The following COL25A1 variants were observed in gnomAD, a reference collection of about 807,000 sequenced individuals.
The protein encoded by COL25A1 is collagen alpha-1(XXV) chain.
COL25A1 carries 103 observed loss-of-function variants against 128.4 expected under a neutral mutation model. The ratio of observed to expected loss-of-function variants is 0.80; its 90% confidence interval spans 0.68 to 0.94. The LOEUF is 0.94. Among genes scored for constraint, COL25A1 ranks in the 40% least tolerant of loss-of-function variants. The pLI, the probability that COL25A1 is intolerant of heterozygous loss-of-function variation, is 0.00. For missense variants in COL25A1, 745 were observed against 840.0 expected, an observed-to-expected ratio of 0.89 and a Z score of 1.40; for synonymous variants, 279 against 277.2, an observed-to-expected ratio of 1.01 and a Z score of -0.06.
chr4:109,266,727 C>T (rs912311323), intron 3 of COL25A1, among the ~76,000 whole-genome samples: 1 of 151,222 alleles, frequency 6.6e-6, no homozygotes, highest in Non-Finnish European at 1.5e-5. Context: ...GACATGAAAA[C>T]GTGGATACAA....
At chr4:109,162,153 AAC>A (rs1772637502) in intron 3 of COL25A1, among the ~76,000 whole-genome samples, 1 of 152,214 alleles carries the variant, frequency 6.6e-6, no homozygotes, top group Non-Finnish European at 1.5e-5. Flanking sequence ...TTGAAGATAT[AAC>A]AGGGGAAATA....
At chr4:109,230,477 G>A (rs372537915) in intron 3 of COL25A1, among the ~76,000 whole-genome samples, 1 of 152,142 alleles carries the variant, frequency 6.6e-6, no homozygotes, top group East Asian at 1.9e-4. Flanking sequence ...AACAGTTGCT[G>A]TATTTTATTA....
rs376047300 is a variant in COL25A1 at position 108,901,505 on chromosome 4, ACT to A, written c.781-335_781-334del. On this transcript the variant is annotated intron_variant, in intron 13 of 37. Transcript: ENST00000399132. ...AGTAAAAGACAACTGAAAATATAAG[ACT>A]CTCCTGGCAAAAAACTTTTAAGTGA... Among the ~76,000 whole-genome samples, 327 of 152,172 alleles carry A rather than the reference ACT, an allele frequency of 2.1e-3. 2 individuals are homozygous for A. Among genetic ancestry groups the A allele is most frequent in the African/African-American group, 7.4e-3 (309 of 41,564 alleles).
chr4:109,038,458 C>T (rs181831163), intron 5 of COL25A1, among the ~76,000 whole-genome samples: 1 of 152,160 alleles, frequency 6.6e-6, no homozygotes, highest in Non-Finnish European at 1.5e-5. Context: ...AATCCCCATA[C>T]CTCTATAGAT....
rs3108929 is a variant in COL25A1, at chr4:109,102,522, A to C, written c.368-52343T>G. 6.6e-4 allele frequency among the ~76,000 whole-genome samples: 101 copies of C among 152,208 alleles called. 1 individual carries two copies. The highest frequency in any genetic ancestry group is 2.3e-3 in the African/African-American group (96 of 41,552). On this transcript the variant is annotated intron_variant, in intron 3 of 37. Coordinates refer to ENST00000399132, the MANE Select transcript of COL25A1 (RefSeq NM_198721.4). ...GTCAATTAAATCAAGTTGGTTGATA[A>C]TATTTTTCAGGTATTCTATTTCATT...
At chr4:108,899,801 G>C (rs1742603259) in intron 14 of COL25A1, among the ~76,000 whole-genome samples, 1 of 152,068 alleles carries the variant, frequency 6.6e-6, no homozygotes, top group Admixed American at 6.6e-5. Flanking sequence ...GAATTGAAGT[G>C]AGTTTAGGAA....
At chr4:109,042,872 G>C (rs1760054484) in intron 5 of COL25A1, among the ~76,000 whole-genome samples, 2 of 152,042 alleles carry the variant, frequency 1.3e-5, no homozygotes, top group South Asian at 4.1e-4. Context: ...TAAAAGAGCA[G>C]TCATAAGATG....
At chr4:109,159,423 T>C (rs951291263) in intron 3 of COL25A1, among the ~76,000 whole-genome samples, 3 of 152,094 alleles carry the variant, frequency 2.0e-5, no homozygotes, top group Non-Finnish European at 4.4e-5. Context: ...TCTTCACTAC[T>C]GGAGACACGT....
At chr4:109,147,816 C>CAAA (rs34761348) in intron 3 of COL25A1, among the ~76,000 whole-genome samples, 10 of 100,516 alleles carry the variant, frequency 9.9e-5, no homozygotes, top group African/African-American at 3.8e-4. Flanking sequence ...GACTCTGTCT[C>CAAA]AAAAAAAAAA....
At chr4:108,937,266 A>G (rs1747535059) in intron 11 of COL25A1, among the ~76,000 whole-genome samples, 1 of 152,158 alleles carries the variant, frequency 6.6e-6, no homozygotes, top group Non-Finnish European at 1.5e-5. Context: ...CCAGCAAAAG[A>G]TAAACAATTC....
chr4:109,029,799 A>C (rs934194292), intron 5 of COL25A1, among the ~76,000 whole-genome samples: 20 of 152,304 alleles, frequency 1.3e-4, no homozygotes, highest in African/African-American at 4.8e-4. Context: ...AATACAGAGT[A>C]CTCATACAAA....
At chr4:109,226,868 T>G (rs1778837013) in intron 3 of COL25A1, among the ~76,000 whole-genome samples, 1 of 152,052 alleles carries the variant, frequency 6.6e-6, no homozygotes. Context: ...GCACAAACAC[T>G]CAGGTATAGT....
intron 3 of COL25A1, among the ~76,000 whole-genome samples, chr4:109,164,185 C>T (rs1772850472): frequency 1.3e-5 from 2 of 152,034 alleles, no homozygotes; most frequent in Non-Finnish European, 2.9e-5. Flanking sequence ...CAGAAGTAGG[C>T]CTGGCTTGTG....
chr4:109,064,202 C>T (rs905165855), intron 3 of COL25A1, among the ~76,000 whole-genome samples: 1 of 152,184 alleles, frequency 6.6e-6, no homozygotes, highest in African/African-American at 2.4e-5. Context: ...AGTCAGATGT[C>T]AACCTTGGAC....
intron 3 of COL25A1, among the ~76,000 whole-genome samples, chr4:109,211,678 T>C (rs150214825): frequency 6.6e-6 from 1 of 152,262 alleles, no homozygotes; most frequent in Non-Finnish European, 1.5e-5. Context: ...GCAGGATGCC[T>C]ATGAAAGATT....
At chr4:109,126,707 T>C (rs375714420) in intron 3 of COL25A1, among the ~76,000 whole-genome samples, 2 of 152,146 alleles carry the variant, frequency 1.3e-5, no homozygotes, top group East Asian at 1.9e-4. Flanking sequence ...AACTTCTCTC[T>C]TCACTTCTTC....
intron 3 of COL25A1, among the ~76,000 whole-genome samples, chr4:109,188,817 C>T (rs1417828021): frequency 6.6e-6 from 1 of 151,904 alleles, no homozygotes; most frequent in Non-Finnish European, 1.5e-5. Context: ...AACAGCAGGC[C>T]TTTCATGAAA....
At chr4:109,059,588 T>A (rs1419350550) in intron 3 of COL25A1, among the ~76,000 whole-genome samples, 2 of 152,200 alleles carry the variant, frequency 1.3e-5, no homozygotes, top group African/African-American at 4.8e-5. Context: ...GCTAATAAAG[T>A]TCTATTTTAC....
At chr4:108,849,492 G>C (rs1002978866) in intron 26 of COL25A1, among the ~76,000 whole-genome samples, 10 of 152,088 alleles carry the variant, frequency 6.6e-5, no homozygotes, top group Admixed American at 2.0e-4. Context: ...AGAGATTTTT[G>C]TTTGCTTTTT....
Sources: gnomAD v4.1 joint callset for allele counts (sites outside exome capture counted in the v4.1 genomes callset) on GRCh38, gnomAD v4.1.1 for gene constraint, MANE v1.5 for transcripts, NCBI Gene and HGNC (gene_info 2026-07-23, HGNC 2026-07-21) for gene names.